The following PEAK1 variants were observed in gnomAD, a reference collection of about 807,000 sequenced individuals.
PEAK1 encodes the protein pseudopodium enriched atypical kinase 1.
In PEAK1, 54 loss-of-function variants were observed where a neutral mutation model predicts 124.7. The ratio of observed to expected loss-of-function variants is 0.43; its 90% CI spans 0.35 to 0.54. The LOEUF is 0.54. Among genes scored for constraint, PEAK1 ranks in the 20% least tolerant of loss-of-function variants. The probability of loss-of-function intolerance (pLI) is 0.01; values close to 1 mark genes in which losing one functional copy is unlikely to be tolerated. For synonymous variants in PEAK1, 719 were observed against 760.0 expected (o/e 0.95, Z 0.89); for missense variants, 2,046 against 2,134.5 (o/e 0.96, Z 0.82).
intron 8 of PEAK1, among the ~76,000 whole-genome samples, chr15:77,152,625 T>G (rs570604075): frequency 3.3e-5 from 5 of 152,184 alleles, no homozygotes; most frequent in African/African-American, 1.2e-4. Context: ...GGCTGTGGGT[T>G]TGTCATAGAT....
At chr15:77,341,862 G>A (rs1231002675) in intron 2 of PEAK1, among the ~76,000 whole-genome samples, 1 of 152,112 alleles carries the variant, frequency 6.6e-6, no homozygotes, top group Non-Finnish European at 1.5e-5. Flanking sequence ...GTTAATAAGG[G>A]AAACTGTGTA....
intron 2 of PEAK1, among the ~76,000 whole-genome samples, chr15:77,331,776 C>A (rs1015174724): frequency 2.2e-4 from 33 of 152,054 alleles, no homozygotes; most frequent in African/African-American, 7.5e-4. Flanking sequence ...TGCCACCGCG[C>A]CCAGCTAATT....
intron 2 of PEAK1, among the ~76,000 whole-genome samples, chr15:77,297,741 G>A (rs1432036225): frequency 1.0e-4 from 13 of 126,444 alleles, no homozygotes; most frequent in Non-Finnish European, 2.1e-4. Flanking sequence ...CCTGGCAACA[G>A]AGTGAGATTT....
chr15:77,258,607 C>G (rs1329551515), intron 5 of PEAK1, among the ~76,000 whole-genome samples: 1 of 152,134 alleles, frequency 6.6e-6, no homozygotes, highest in Non-Finnish European at 1.5e-5. Context: ...AGTTGCTTAT[C>G]AGCTTTAGGA....
chr15:77,407,944 CACATATACACACATATAT>C (rs2071994708), intron 1 of PEAK1, among the ~76,000 whole-genome samples: 2 of 81,888 alleles, frequency 2.4e-5, no homozygotes, highest in Non-Finnish European at 7.4e-5. Flanking sequence ...CACATATATA[CACATATACACACATATAT>C]ACACATATAT....
At chr15:77,327,607 C>T (rs79995147) in intron 2 of PEAK1, among the ~76,000 whole-genome samples, 2,325 of 151,894 alleles carry the variant, frequency 0.015, 59 homozygotes, top group African/African-American at 0.053. Context: ...ATACTAAGAC[C>T]TAATCTTCCT....
chr15:77,128,396 G>C (rs2052567159), intron 9 of PEAK1, among the ~76,000 whole-genome samples: 1 of 152,172 alleles, frequency 6.6e-6, no homozygotes. Context: ...AAACATCAGG[G>C]CTGCTTTTCC....
intron 2 of PEAK1, among the ~76,000 whole-genome samples, chr15:77,308,097 T>C (rs540233199): frequency 6.6e-6 from 1 of 152,078 alleles, no homozygotes; most frequent in African/African-American, 2.4e-5. Context: ...CACGGCACAA[T>C]TGAGCTTTTC....
chr15:77,365,867 T>C (rs1017342999), intron 1 of PEAK1, among the ~76,000 whole-genome samples: 1 of 152,140 alleles, frequency 6.6e-6, no homozygotes, highest in Non-Finnish European at 1.5e-5. Flanking sequence ...CTCCCTATAT[T>C]ATGATTGCCC....
chr15:77,180,365 GCA>G lies in PEAK1; in HGVS notation c.1560_1561del (p.Ala521ProfsTer17). 6.2e-7 allele frequency: 1 copy of G among 1,614,102 alleles called. No homozygotes were observed. On this transcript the variant is annotated frameshift_variant, in exon 7 of 10. Transcript: ENST00000682557. LOFTEE classifies it high-confidence loss of function. ...AATTGCACTGGATTTTTGGAAATGG[GCA>G]CTTATTTGTCCTGGTGTCAATGAAG...
rs188327864 is a variant in PEAK1, at chr15:77,355,918, C to T, written c.-603+9245G>A. On this transcript the variant is annotated intron_variant, in intron 2 of 9. Coordinates refer to ENST00000682557, the MANE Select transcript of PEAK1 (RefSeq NM_001385026.1). ...AGAAAAACCCCTGGGTTGACTAGGA[C>T]CCCTGTGTGTGGAATGGTGGCTTAG... The T allele has an allele frequency of 1.8e-4, 180 of 985,374 alleles. 1 individual carries two copies. In the African/African-American group the frequency reaches 3.0e-3, roughly 17 times the overall value. 61.0% of individuals were successfully genotyped at this position (985,374 alleles called of 1,614,324 possible).
intron 6 of PEAK1, among the ~76,000 whole-genome samples, chr15:77,232,646 G>A (rs1391643071): frequency 6.6e-6 from 1 of 152,202 alleles, no homozygotes; most frequent in Non-Finnish European, 1.5e-5. Flanking sequence ...TACAATGGAA[G>A]AAGTGTTAAT....
At chr15:77,145,451 A>G (rs2054110477) in intron 8 of PEAK1, among the ~76,000 whole-genome samples, 1 of 152,026 alleles carries the variant, frequency 6.6e-6, no homozygotes, top group Admixed American at 6.6e-5. Flanking sequence ...TCCATCTCAA[A>G]AAAAAAAAAA....
At chr15:77,324,152 A>C (rs1246528951) in intron 2 of PEAK1, among the ~76,000 whole-genome samples, 5 of 152,236 alleles carry the variant, frequency 3.3e-5, no homozygotes, top group Non-Finnish European at 5.9e-5. Context: ...ATATGCGCTC[A>C]ATAAATGTTT....
chr15:77,307,789 T>A (rs1455164046), intron 2 of PEAK1, among the ~76,000 whole-genome samples: 5 of 152,032 alleles, frequency 3.3e-5, no homozygotes, highest in Non-Finnish European at 5.9e-5. Context: ...TGGCAAATAG[T>A]CCAAGTACTG....
chr15:77,150,769 A>T (rs1190279776), intron 8 of PEAK1, among the ~76,000 whole-genome samples: 1 of 146,878 alleles, frequency 6.8e-6, no homozygotes, highest in Non-Finnish European at 1.5e-5. Context: ...GGTGTTTGGT[A>T]TTTTGTCCTT....
In PEAK1 at chr15:77,369,884, C is replaced by T. The variant is rs771697909; in HGVS notation, c.-665-4659G>A. On this transcript the variant is annotated intron_variant, in intron 1 of 9. Transcript: ENST00000682557. Reference sequence around the variant, plus strand: ...TGGGTCAAAAGTGCTTTACATCTCACCACAACACTGGCTCCCTTTTCCTTT... The same window carrying T: ...TGGGTCAAAAGTGCTTTACATCTCATCACAACACTGGCTCCCTTTTCCTTT... 7.9e-5 allele frequency among the ~76,000 whole-genome samples: 12 copies of T among 152,058 alleles called. 1 individual carries two copies. Among genetic ancestry groups the T allele is most frequent in the Non-Finnish European group, 1.5e-4 (10 of 67,988 alleles).
At chr15:77,207,029 T>C (rs1036230664) in intron 6 of PEAK1, among the ~76,000 whole-genome samples, 1 of 152,118 alleles carries the variant, frequency 6.6e-6, no homozygotes, top group Non-Finnish European at 1.5e-5. Flanking sequence ...ATTCCCTATT[T>C]AATAAATGGT....
At chr15:77,396,993 T>C (rs1257095296) in intron 1 of PEAK1, among the ~76,000 whole-genome samples, 2 of 152,204 alleles carry the variant, frequency 1.3e-5, no homozygotes, top group Non-Finnish European at 1.5e-5. Flanking sequence ...TTTTATCCAA[T>C]GGCTGCTGCA....
Sources: allele counts gnomAD v4.1 joint callset (sites outside exome capture counted in the v4.1 genomes callset), GRCh38; gene constraint gnomAD v4.1.1; transcripts MANE v1.5; gene names NCBI Gene and HGNC (gene_info 2026-07-23, HGNC 2026-07-21).